The following PRKCE variants were observed in gnomAD, a reference collection of about 807,000 sequenced individuals.
PRKCE encodes the protein protein kinase C epsilon, also known as protein kinase C epsilon type.
In PRKCE, 16 loss-of-function variants were observed where a neutral mutation model predicts 85.4. That is an observed-to-expected ratio of 0.19 (90% CI 0.13 to 0.28). The LOEUF (loss-of-function observed/expected upper bound fraction) is 0.28, where lower values mean the gene tolerates loss of function less well. Among genes scored for constraint, PRKCE ranks in the 10% least tolerant of loss-of-function variants. The pLI, the probability that PRKCE is intolerant of heterozygous loss-of-function variation, is 1.00. For synonymous variants in PRKCE, 388 were observed against 371.5 expected, an observed-to-expected ratio of 1.04 and a Z score of -0.51; for missense variants, 573 against 975.2, an observed-to-expected ratio of 0.59 and a Z score of 5.49.
intron 10 of PRKCE, among the ~76,000 whole-genome samples, chr2:46,069,799 T>C (rs1172721422): frequency 6.6e-6 from 1 of 152,248 alleles, no homozygotes; most frequent in Admixed American, 6.5e-5. Flanking sequence ...GGCTATAAGA[T>C]GTTAGGATTG....
At chr2:45,982,351 C>G (rs568611459) in intron 5 of PRKCE, among the ~76,000 whole-genome samples, 11 of 152,312 alleles carry the variant, frequency 7.2e-5, no homozygotes, top group Admixed American at 2.0e-4. Context: ...ACATGTAGCC[C>G]TAAACACCAT....
intron 2 of PRKCE, among the ~76,000 whole-genome samples, chr2:45,866,795 A>T (rs1039787195): frequency 4.6e-5 from 7 of 152,252 alleles, no homozygotes; most frequent in African/African-American, 1.7e-4. Flanking sequence ...AGGGGCTGCC[A>T]TACTGCACAG....
chr2:45,664,626 A>C (rs1040212761), intron 1 of PRKCE, among the ~76,000 whole-genome samples: 2 of 152,198 alleles, frequency 1.3e-5, no homozygotes, highest in African/African-American at 2.4e-5. Flanking sequence ...GGTTCTTTTT[A>C]AACAGCTCCT....
At chr2:45,807,695 G>T (rs1324003619) in intron 1 of PRKCE, among the ~76,000 whole-genome samples, 12 of 152,072 alleles carry the variant, frequency 7.9e-5, no homozygotes, top group Admixed American at 7.2e-4. Context: ...CTCTGCACCA[G>T]CAGCATCAGC....
chr2:45,869,532 T>A (rs1002383675), intron 2 of PRKCE, among the ~76,000 whole-genome samples: 6 of 152,098 alleles, frequency 3.9e-5, no homozygotes, highest in African/African-American at 1.4e-4. Flanking sequence ...TTTTTTCCCC[T>A]CATAGCAACC....
chr2:45,871,287 C>G (rs1694068430), intron 2 of PRKCE, among the ~76,000 whole-genome samples: 1 of 152,192 alleles, frequency 6.6e-6, no homozygotes. Flanking sequence ...CTGGTGAAAA[C>G]AAACGGAAGG....
intron 1 of PRKCE, among the ~76,000 whole-genome samples, chr2:45,783,128 G>C (rs1195036449): frequency 1.3e-5 from 2 of 152,192 alleles, no homozygotes; most frequent in Non-Finnish European, 2.9e-5. Flanking sequence ...TTGGCAGACT[G>C]GGTCCTGGGG....
rs537266380 is a variant in PRKCE, at chr2:46,155,318, A to G, written c.1920+4089A>G. ...TGCCTCTTGGGTGAATCTTTGATGG[A>G]CCCCTTCAAGGAGCTCTTCTCAGCT... On this transcript the variant is annotated intron_variant, in intron 13 of 14. Transcript: ENST00000306156. This position sits in a 1 kb window ranked among gnomAD's most constrained non-coding sequence, Gnocchi z 4.7. Among the ~76,000 whole-genome samples, 2 of 152,226 alleles carry G rather than the reference A, an allele frequency of 1.3e-5. No homozygotes were observed. Among genetic ancestry groups the G allele is most frequent in the East Asian group, 1.9e-4 (1 of 5,186 alleles).
At chr2:45,884,175 G>T (rs1695076425) in intron 2 of PRKCE, among the ~76,000 whole-genome samples, 1 of 152,244 alleles carries the variant, frequency 6.6e-6, no homozygotes, top group South Asian at 2.1e-4. Flanking sequence ...GTCTGGAGAG[G>T]CCTGGCATCT....
At chr2:45,784,955 G>GT (rs1558668371) in intron 1 of PRKCE, among the ~76,000 whole-genome samples, 1 of 152,064 alleles carries the variant, frequency 6.6e-6, no homozygotes, top group Non-Finnish European at 1.5e-5. Flanking sequence ...AAATATAAAG[G>GT]TATTTCTTAT....
intron 10 of PRKCE, among the ~76,000 whole-genome samples, chr2:46,024,350 C>CA (rs1706930525): frequency 6.6e-6 from 1 of 151,498 alleles, no homozygotes; most frequent in South Asian, 2.1e-4. Flanking sequence ...TTGAAGCCTC[C>CA]ACTTTTGACC....
At position 45,894,464 on chromosome 2, in the gene PRKCE, G is replaced by C. The variant is rs140259029; in HGVS notation, c.412+51401G>C. Among the ~76,000 whole-genome samples the C allele has an allele frequency of 1.3e-3, 197 of 151,282 alleles. 1 individual carries two copies. The highest frequency in any genetic ancestry group is 4.5e-3 in the African/African-American group (186 of 41,132). The stretch of plus-strand genomic sequence containing the variant: ...ATGCTCTGGGGAGTAGCGTCATTTA[G>C]TTAACACTGAAGAATCTCTTAAGAT... On this transcript the variant is annotated intron_variant, in intron 2 of 14. Transcript: ENST00000306156.
At chr2:45,915,949 C>G (rs1248163433) in intron 2 of PRKCE, among the ~76,000 whole-genome samples, 2 of 152,270 alleles carry the variant, frequency 1.3e-5, no homozygotes, top group Middle Eastern at 6.8e-3. Flanking sequence ...TATGCAGCAT[C>G]TACATCCCCT....
chr2:46,128,289 A>T (rs572246572), intron 11 of PRKCE, among the ~76,000 whole-genome samples: 1 of 152,260 alleles, frequency 6.6e-6, no homozygotes, highest in Non-Finnish European at 1.5e-5. Flanking sequence ...AGTATGTGAG[A>T]AAGGGGTAAT....
At position 45,899,257 on chromosome 2, in the gene PRKCE, C is replaced by G. The variant is rs1453049472; in HGVS notation, c.412+56194C>G. Among the ~76,000 whole-genome samples the G allele has an allele frequency of 2.6e-5, 4 of 152,198 alleles. No individual in the cohort carries two copies. The East Asian group carries it at 7.7e-4, about 29-fold the overall frequency. On this transcript the variant is annotated intron_variant, in intron 2 of 14. Coordinates refer to ENST00000306156, the MANE Select transcript of PRKCE (RefSeq NM_005400.3). ...GAAAACTTTGTCTTTGGAAATTAAA[C>G]TTTTTCCCCCTTTTGATATTTATAG...
intron 2 of PRKCE, among the ~76,000 whole-genome samples, chr2:45,973,323 G>A (rs1702229697): frequency 6.6e-6 from 1 of 152,214 alleles, no homozygotes; most frequent in Non-Finnish European, 1.5e-5. Context: ...CTGCCCAGAG[G>A]AATGTGGAAT....
intron 10 of PRKCE, among the ~76,000 whole-genome samples, chr2:46,067,908 T>C (rs548488048): frequency 1.3e-5 from 2 of 152,246 alleles, no homozygotes; most frequent in East Asian, 3.9e-4. Context: ...GCATTTGTTG[T>C]GGGTTTCCTG....
At chr2:45,723,180 A>G (rs1346349499) in intron 1 of PRKCE, among the ~76,000 whole-genome samples, 1 of 152,132 alleles carries the variant, frequency 6.6e-6, no homozygotes, top group Admixed American at 6.5e-5. Flanking sequence ...ATGGGAGGCC[A>G]CTTCTGCCCT....
intron 5 of PRKCE, among the ~76,000 whole-genome samples, chr2:45,983,200 T>C (rs568560963): frequency 6.6e-6 from 1 of 152,242 alleles, no homozygotes; most frequent in Non-Finnish European, 1.5e-5. Context: ...CAGCCATTCC[T>C]TGGAACTGGG....
Sources: gnomAD v4.1 joint callset for allele counts (sites outside exome capture counted in the v4.1 genomes callset) on GRCh38, gnomAD v4.1.1 for gene constraint, Gnocchi (gnomAD v3.1) non-coding constraint, MANE v1.5 for transcripts, NCBI Gene and HGNC (gene_info 2026-07-23, HGNC 2026-07-21) for gene names.